The following ATRX variants were observed in gnomAD, a reference collection of about 807,000 sequenced individuals.
The protein encoded by ATRX is chromatin remodeler ATRX.
In ATRX, 12 loss-of-function variants were observed where a neutral mutation model predicts 172.6. The ratio of observed to expected loss-of-function variants is 0.07; its 90% CI spans 0.04 to 0.11. The LOEUF (loss-of-function observed/expected upper bound fraction) is 0.11, where lower values mean the gene tolerates loss of function less well. Ranked by LOEUF, ATRX falls within the 10% of genes least tolerant of loss-of-function variation. The pLI, the probability that ATRX is intolerant of heterozygous loss-of-function variation, is 1.00. For missense variants in ATRX, 1,368 were observed against 1,767.4 expected (o/e 0.77, Z 4.05); for synonymous variants, 674 against 594.7 (o/e 1.13, Z -1.94).
At chrX:77,712,499 G>A (rs781978335) in intron 2 of ATRX, among the ~76,000 whole-genome samples, 7 of 112,231 alleles carry the variant, frequency 6.2e-5, no homozygotes, top group Non-Finnish European at 1.1e-4. Flanking sequence ...GAAACTGTGG[G>A]TACAATGAGG....
intron 1 of ATRX, among the ~76,000 whole-genome samples, chrX:77,769,978 G>T: frequency 9.0e-6 from 1 of 110,713 alleles, no homozygotes; most frequent in South Asian, 3.8e-4. Context: ...ACGCTACTGA[G>T]GAGACTGAGG....
intron 1 of ATRX, among the ~76,000 whole-genome samples, chrX:77,744,275 C>T (rs1401237933): frequency 8.9e-6 from 1 of 112,291 alleles, no homozygotes; most frequent in Non-Finnish European, 1.9e-5. Context: ...TATGAATGTG[C>T]CACTGCACTC....
At chrX:77,664,054 T>C (rs1020811060) in intron 11 of ATRX, among the ~76,000 whole-genome samples, 3 of 107,674 alleles carry the variant, frequency 2.8e-5, no homozygotes, top group East Asian at 3.0e-4. Context: ...TGAGCCAAAA[T>C]TGCGCTATTG....
rs2148586159 is a variant in ATRX at position 77,682,352 on chromosome X, G to C, written c.2904C>G (p.Phe968Leu). ...QDGLSDIAEK[F>L]LKKDQSDETS... ...TTTCATCGCTCTGGTCTTTCTTTAGGAATTTCTCTGCAATATCAGATAAGC... is the reference window on the plus strand; with the variant it reads ...TTTCATCGCTCTGGTCTTTCTTTAGCAATTTCTCTGCAATATCAGATAAGC... The change falls in exon 9 of 35, where the codon TTC becomes TTG. Residue 968 changes from phenylalanine to leucine, a missense_variant. Transcript: ENST00000373344. The C allele has an allele frequency of 8.3e-7, 1 of 1,209,386 alleles. No homozygotes were observed. Among genetic ancestry groups the C allele is most frequent in the Non-Finnish European group, 1.1e-6 (1 of 894,594 alleles).
intron 30 of ATRX, among the ~76,000 whole-genome samples, chrX:77,528,141 C>T (rs1174001845): frequency 2.7e-5 from 3 of 109,831 alleles, no homozygotes; most frequent in Non-Finnish European, 3.8e-5. Flanking sequence ...CAAGGAGCAC[C>T]CCCTCCTTCC....
chrX:77,628,863 C>A (rs781966771), intron 19 of ATRX, among the ~76,000 whole-genome samples: 1 of 112,099 alleles, frequency 8.9e-6, no homozygotes, highest in East Asian at 2.8e-4. Flanking sequence ...CCTGCCTTGG[C>A]CTCCCAAAGT....
chrX:77,561,649 G>C (rs187195807), intron 28 of ATRX: 1 of 111,004 alleles, frequency 9.0e-6, no homozygotes, highest in African/African-American at 3.3e-5. Flanking sequence ...ATTCCCACCA[G>C]CATTATATGA....
At chrX:77,603,996 G>T (rs1294103163) in intron 22 of ATRX, among the ~76,000 whole-genome samples, 1 of 112,163 alleles carries the variant, frequency 8.9e-6, no homozygotes, top group Non-Finnish European at 1.9e-5. Flanking sequence ...ATAGATTAAA[G>T]ACTTAAATGT....
At chrX:77,638,617 G>T (rs782043327) in intron 15 of ATRX, among the ~76,000 whole-genome samples, 61 of 112,969 alleles carry the variant, frequency 5.4e-4, no homozygotes, top group African/African-American at 1.7e-3. Flanking sequence ...GTTTGTAAAT[G>T]TCTCTTTAAA....
chrX:77,640,974 C>T (rs1004369904), intron 15 of ATRX, among the ~76,000 whole-genome samples: 21 of 111,039 alleles, frequency 1.9e-4, no homozygotes, highest in Non-Finnish European at 1.9e-5. Flanking sequence ...GGGAGGCATT[C>T]GATTTCAGAG....
intron 27 of ATRX, among the ~76,000 whole-genome samples, chrX:77,584,540 G>T (rs1557075819): frequency 1.8e-5 from 2 of 111,417 alleles, no homozygotes; most frequent in African/African-American, 6.5e-5. Flanking sequence ...AAGTTGCCAT[G>T]AATATACCCT....
intron 15 of ATRX, among the ~76,000 whole-genome samples, chrX:77,643,392 T>C (rs2148398355): frequency 9.0e-6 from 1 of 110,692 alleles, no homozygotes; most frequent in African/African-American, 3.3e-5. Flanking sequence ...TTTTGGAATT[T>C]TTTTTTTCAA....
Position 77,682,513 on chromosome X carries a change from T to C in ATRX, c.2743A>G (p.Ser915Gly), listed in dbSNP as rs2071273880. 1 of 1,209,985 alleles carries C rather than the reference T, an allele frequency of 8.3e-7. No individual in the cohort carries two copies. Among genetic ancestry groups the C allele is most frequent in the South Asian group, 1.8e-5 (1 of 56,830 alleles). Residue 915 changes from serine (S) to glycine (G), a missense_variant, in exon 9 of 35, where the codon AGT becomes GGT. Ser to Gly is a moderately conservative substitution (Grantham distance 56). Coordinates refer to ENST00000373344, the MANE Select transcript of ATRX (RefSeq NM_000489.6). ...RDRLPKKQQA[S>G]ASTDGVDKLS... ...TTATCGACACCATCAGTGGAAGCAC[T>C]TGCTTGCTGCTTCTTAGGAAGTCGA...
At chrX:77,513,114 G>C (rs1282199066) in intron 34 of ATRX, among the ~76,000 whole-genome samples, 3 of 109,128 alleles carry the variant, frequency 2.7e-5, no homozygotes, top group Non-Finnish European at 5.7e-5. Context: ...TCAGGAGACT[G>C]AGACCATCCT....
chrX:77,627,232 CA>C (rs1175601343), intron 19 of ATRX, among the ~76,000 whole-genome samples: 16 of 95,655 alleles, frequency 1.7e-4, no homozygotes, highest in South Asian at 4.5e-4. Context: ...GACTCCGTCT[CA>C]AAAAAAAAAA....
intron 15 of ATRX, among the ~76,000 whole-genome samples, chrX:77,644,794 G>A (rs781889090): frequency 4.5e-5 from 5 of 110,804 alleles, no homozygotes; most frequent in East Asian, 2.8e-4. Context: ...TATGTATTAC[G>A]AGAGTCACAG....
intron 15 of ATRX, among the ~76,000 whole-genome samples, chrX:77,650,935 C>T (rs1186500539): frequency 9.0e-6 from 1 of 111,665 alleles, no homozygotes; most frequent in African/African-American, 3.3e-5. Flanking sequence ...TGAGAGAATT[C>T]AGTTTAATAA....
intron 12 of ATRX, among the ~76,000 whole-genome samples, chrX:77,660,789 C>T (rs1308342213): frequency 9.0e-6 from 1 of 110,556 alleles, no homozygotes; most frequent in African/African-American, 3.3e-5. Context: ...AAGACTATGT[C>T]CTTAGCTTTC....
At position 77,721,333 on chromosome X, in the gene ATRX, T is replaced by C. The variant is rs192938024; in HGVS notation, c.21-4090A>G. ...TATTGTAAGTTCTGGCCAGGGCATT[T>C]AGGCAACAGAAAGAAATAAAGGGTA... On this transcript the variant is annotated intron_variant, in intron 1 of 34. Coordinates refer to ENST00000373344, the MANE Select transcript of ATRX (RefSeq NM_000489.6). Among the ~76,000 whole-genome samples the C allele has an allele frequency of 3.6e-5, 4 of 111,487 alleles. No individual in the cohort carries two copies. In the East Asian group the frequency reaches 1.1e-3, roughly 31 times the overall value.
Sources: gnomAD v4.1 joint callset for allele counts (sites outside exome capture counted in the v4.1 genomes callset) on GRCh38, gnomAD v4.1.1 for gene constraint, MANE v1.5 for transcripts, NCBI Gene and HGNC (gene_info 2026-07-23, HGNC 2026-07-21) for gene names.